The following RPTOR variants were observed in gnomAD, a reference collection of about 807,000 sequenced individuals.
RPTOR encodes regulatory-associated protein of mTOR.
A neutral mutation model predicts 169.9 loss-of-function variants in RPTOR; 21 were observed. The observed-to-expected ratio is 0.12, with a 90% CI of 0.09 to 0.18. The LOEUF (loss-of-function observed/expected upper bound fraction) is 0.18, where lower values mean the gene tolerates loss of function less well. Ranked by LOEUF, RPTOR falls within the 10% of genes least tolerant of loss-of-function variation. RPTOR has a pLI of 1.00. For missense variants in RPTOR, 1,133 were observed against 1,855.9 expected (o/e 0.61, Z 7.16); for synonymous variants, 732 against 753.2 (o/e 0.97, Z 0.46).
chr17:80,753,111 T>C (rs1449954342), intron 5 of RPTOR, among the ~76,000 whole-genome samples: 1 of 152,214 alleles, frequency 6.6e-6, no homozygotes, highest in African/African-American at 2.4e-5. Context: ...GTAGAACATT[T>C]AGAGAAATCC....
chr17:80,706,365 T>C (rs937384630), intron 3 of RPTOR, among the ~76,000 whole-genome samples: 2 of 152,212 alleles, frequency 1.3e-5, no homozygotes, highest in Non-Finnish European at 2.9e-5. Flanking sequence ...ATGATAGAAC[T>C]GGAGTAGCTC....
intron 20 of RPTOR, 66 bp from the exon 21 acceptor site, chr17:80,908,745 C>A: frequency 8.6e-7 from 1 of 1,160,632 alleles, no homozygotes; most frequent in Non-Finnish European, 1.3e-6. Flanking sequence ...TCAGAAAATG[C>A]AGCCGCCTTA....
At chr17:80,653,327 G>A (rs2065655026) in intron 3 of RPTOR, among the ~76,000 whole-genome samples, 1 of 152,160 alleles carries the variant, frequency 6.6e-6, no homozygotes, top group East Asian at 1.9e-4. Context: ...AGGATCCTTT[G>A]AGCTCAGGAG....
chr17:80,714,501 A>C (rs916513927), intron 4 of RPTOR, among the ~76,000 whole-genome samples: 3 of 152,228 alleles, frequency 2.0e-5, no homozygotes, highest in African/African-American at 7.2e-5. Flanking sequence ...CTGTTCTTGA[A>C]ATTCAAAATT....
intron 28 of RPTOR, among the ~76,000 whole-genome samples, chr17:80,951,672 C>T (rs986016693): frequency 6.6e-6 from 1 of 152,176 alleles, no homozygotes; most frequent in Non-Finnish European, 1.5e-5. Context: ...CCAGTTCACT[C>T]GGCATCACAG....
intron 1 of RPTOR, among the ~76,000 whole-genome samples, chr17:80,577,448 T>TA (rs1306607506): frequency 6.6e-6 from 1 of 152,104 alleles, no homozygotes; most frequent in African/African-American, 2.4e-5. Context: ...TGGCAAGTTT[T>TA]ACATTTTTTT....
intron 14 of RPTOR, among the ~76,000 whole-genome samples, chr17:80,881,664 C>G (rs1467858717): frequency 1.3e-5 from 2 of 152,142 alleles, no homozygotes; most frequent in East Asian, 3.9e-4. Context: ...ACCAAAAATA[C>G]AAAAAAATTT....
chr17:80,587,916 A>G (rs780498129), intron 1 of RPTOR, among the ~76,000 whole-genome samples: 4 of 152,098 alleles, frequency 2.6e-5, no homozygotes, highest in Non-Finnish European at 4.4e-5. Flanking sequence ...CTTTTGACCA[A>G]CATCTCCCCT....
chr17:80,726,391 G>C lies in RPTOR; in HGVS notation c.508-4169G>C, dbSNP rs1046805305. On this transcript the variant is annotated intron_variant, in intron 4 of 33. Transcript: ENST00000306801. The surrounding 1 kb of genome is among the most constrained non-coding windows in gnomAD (Gnocchi z 4.5). ...CGCCGCCCACAGATCACGGGGCGTG[G>C]AGGGAGAGACTGCCAGTGCTGTCCT... 1.3e-5 allele frequency among the ~76,000 whole-genome samples: 2 copies of C among 152,206 alleles called. No homozygotes were observed. Among genetic ancestry groups the C allele is most frequent in the African/African-American group, 4.8e-5 (2 of 41,450 alleles).
intron 6 of RPTOR, among the ~76,000 whole-genome samples, chr17:80,789,189 C>A (rs1274557852): frequency 2.6e-5 from 4 of 152,136 alleles, no homozygotes; most frequent in African/African-American, 9.7e-5. Context: ...ATCTGGCCAA[C>A]TATGAATCTG....
intron 1 of RPTOR, among the ~76,000 whole-genome samples, chr17:80,597,529 A>G (rs552529302): frequency 6.6e-6 from 1 of 151,970 alleles, no homozygotes; most frequent in East Asian, 1.9e-4. Flanking sequence ...TCTTTTTCTT[A>G]TCCTTTTTGT....
intron 13 of RPTOR, among the ~76,000 whole-genome samples, chr17:80,864,329 C>T (rs1306040498): frequency 6.7e-6 from 1 of 148,848 alleles, no homozygotes; most frequent in Non-Finnish European, 1.5e-5. Flanking sequence ...AGAGTGACGG[C>T]AGGTTTCTTC....
intron 1 of RPTOR, among the ~76,000 whole-genome samples, chr17:80,591,357 G>A (rs1368687703): frequency 1.5e-5 from 2 of 131,102 alleles, no homozygotes; most frequent in African/African-American, 5.8e-5. Flanking sequence ...ACAGAGTTTT[G>A]TTCTTTCTTT....
intron 3 of RPTOR, among the ~76,000 whole-genome samples, chr17:80,680,072 C>T (rs1328241045): frequency 1.3e-5 from 2 of 150,208 alleles, no homozygotes; most frequent in Non-Finnish European, 3.0e-5. Context: ...AAGTGGGTCA[C>T]AGTTACTTGT....
At chr17:80,671,313 C>T (rs1567849591) in intron 3 of RPTOR, among the ~76,000 whole-genome samples, 1 of 152,102 alleles carries the variant, frequency 6.6e-6, no homozygotes, top group Non-Finnish European at 1.5e-5. Context: ...TATGGGCGTG[C>T]GTGTGAGAGA....
At position 80,962,511 on chromosome 17, in the gene RPTOR, A is replaced by C. The variant is rs1255308942; in HGVS notation, c.3743A>C (p.Asn1248Thr). The change falls in exon 32 of 34, where the codon AAT becomes ACT. Residue 1248 changes from asparagine to threonine, a missense_variant. Asn to Thr is a moderately conservative substitution (Grantham distance 65). Transcript: ENST00000306801. ...GATCCCCGGATGCCTGAGTCGGTAA[A>C]TGTGCTTCAGATCGTGAAGGGGCTG... ...IFDPRMPESV[N>T]VLQIVKGLTA... 6 of 1,613,782 alleles carry C rather than the reference A, an allele frequency of 3.7e-6. No homozygotes were observed. The highest frequency in any genetic ancestry group is 1.3e-5 in the African/African-American group (1 of 74,900).
intron 1 of RPTOR, among the ~76,000 whole-genome samples, chr17:80,622,430 G>T (rs2065361136): frequency 1.3e-5 from 2 of 152,324 alleles, no homozygotes; most frequent in South Asian, 4.1e-4. Context: ...AATATTGGAG[G>T]ATGACTAATT....
intron 1 of RPTOR, among the ~76,000 whole-genome samples, chr17:80,558,176 C>T (rs932272462): frequency 1.3e-5 from 2 of 152,148 alleles, no homozygotes; most frequent in African/African-American, 4.8e-5. Context: ...TGGCATGTGC[C>T]TGTGGTCCCA....
rs552438970 is a variant in RPTOR at position 80,862,958 on chromosome 17, G to A, written c.1509+5058G>A. Among the ~76,000 whole-genome samples the A allele has an allele frequency of 1.3e-3, 195 of 152,320 alleles. 1 individual carries two copies. Among genetic ancestry groups the A allele is most frequent in the African/African-American group, 4.1e-3 (169 of 41,568 alleles). ...CACACTTAAGAGTTTGAGAAGGATC[G>A]GAGCCCACTCAGGCTGGGCCCAGCG... On this transcript the variant is annotated intron_variant, in intron 13 of 33. Coordinates refer to ENST00000306801, the MANE Select transcript of RPTOR (RefSeq NM_020761.3).
Sources: allele counts gnomAD v4.1 joint callset (sites outside exome capture counted in the v4.1 genomes callset), GRCh38; gene constraint gnomAD v4.1.1; non-coding constraint Gnocchi (gnomAD v3.1); transcripts MANE v1.5; gene names NCBI Gene and HGNC (gene_info 2026-07-23, HGNC 2026-07-21).